IMPG1: variants seen among roughly 807,000 people sequenced by gnomAD.
IMPG1 encodes the protein interphotoreceptor matrix proteoglycan 1, also known as interphotoreceptor matrix proteoglycan of 150 kDa.
IMPG1 carries 85 observed loss-of-function variants against 92.0 expected under a neutral mutation model. The observed-to-expected ratio is 0.92, with a 90% confidence interval of 0.78 to 1.11. The LOEUF (loss-of-function observed/expected upper bound fraction) is 1.11, where lower values mean the gene tolerates loss of function less well. IMPG1 is among the 50% of genes least tolerant of loss of function. IMPG1 has a pLI of 0.00. For synonymous variants in IMPG1, 367 were observed against 334.1 expected (o/e 1.10, Z -1.08); for missense variants, 1,022 against 956.0 (o/e 1.07, Z -0.91).
intron 5 of IMPG1, chr6:76,024,872 G>T (rs780959229): frequency 2.4e-6 from 1 of 415,562 alleles, no homozygotes; most frequent in Non-Finnish European, 4.6e-6. Flanking sequence ...TGGAAAAAAT[G>T]ATACAAACTC....
intron 12 of IMPG1, among the ~76,000 whole-genome samples, chr6:75,981,126 C>T (rs959676876): frequency 6.6e-6 from 1 of 152,188 alleles, no homozygotes; most frequent in African/African-American, 2.4e-5. Flanking sequence ...CATTTTTCTT[C>T]TGCCCTCAAG....
rs1279276722 is a variant in IMPG1 at position 75,974,355 on chromosome 6, C to CTT, written c.1292-23263_1292-23262dup. On this transcript the variant is annotated intron_variant, in intron 12 of 16. Transcript: ENST00000369950. ...CCTTTCTTTCTTTCTTTCTTTCTTT[C>CTT]TTTCTTTCTTTCTTTCTTTCTTTCT... 5.0e-4 allele frequency among the ~76,000 whole-genome samples: 55 copies of CTT among 110,176 alleles called. 2 individuals carry two copies. The East Asian group carries it at 0.014, about 29-fold the overall frequency. The allele number at this position is 110,176 out of a possible 152,430, so 72.3% of individuals were successfully genotyped here. A position where few individuals can be genotyped will look rare whatever the true frequency, so the allele number is the denominator to read the frequency against.
chr6:76,040,886 A>G (rs1783824372), intron 2 of IMPG1, among the ~76,000 whole-genome samples: 2 of 152,190 alleles, frequency 1.3e-5, no homozygotes, highest in South Asian at 4.1e-4. Context: ...TGAAATGGGT[A>G]CTCAGTTGTC....
intron 1 of IMPG1, among the ~76,000 whole-genome samples, chr6:76,060,737 C>T (rs879328213): frequency 6.6e-6 from 1 of 152,158 alleles, no homozygotes; most frequent in Non-Finnish European, 1.5e-5. Flanking sequence ...CTTGGTACCA[C>T]AAGTTCCTTC....
chr6:75,972,672 TTTTG>T (rs1276150985), intron 12 of IMPG1, among the ~76,000 whole-genome samples: 1 of 152,208 alleles, frequency 6.6e-6, no homozygotes, highest in Non-Finnish European at 1.5e-5. Flanking sequence ...GTCTGATACA[TTTTG>T]TTTTTTACAC....
intron 12 of IMPG1, among the ~76,000 whole-genome samples, chr6:75,969,041 A>G (rs2149464651): frequency 6.6e-6 from 1 of 152,316 alleles, no homozygotes; most frequent in East Asian, 1.9e-4. Flanking sequence ...TGTTCAGTGA[A>G]TAAGCCAGGC....
chr6:76,007,044 C>G (rs750453566), intron 9 of IMPG1, among the ~76,000 whole-genome samples: 4 of 152,134 alleles, frequency 2.6e-5, no homozygotes, highest in Non-Finnish European at 5.9e-5. Flanking sequence ...ATAGTGGGCC[C>G]TTTTCTCAGT....
At chr6:76,012,902 C>T (rs1562369492) in intron 7 of IMPG1, among the ~76,000 whole-genome samples, 1 of 152,158 alleles carries the variant, frequency 6.6e-6, no homozygotes, top group Non-Finnish European at 1.5e-5. Flanking sequence ...GACTGTCTTC[C>T]ATTCTAGAAA....
chr6:76,012,613 G>A (rs1465611949), intron 7 of IMPG1, among the ~76,000 whole-genome samples: 1 of 152,224 alleles, frequency 6.6e-6, no homozygotes, highest in Non-Finnish European at 1.5e-5. Context: ...GTTGAGTAGT[G>A]AAGCTTGGGA....
At chr6:75,955,351 A>C (rs1782099523) in intron 12 of IMPG1, among the ~76,000 whole-genome samples, 1 of 152,090 alleles carries the variant, frequency 6.6e-6, no homozygotes, top group African/African-American at 2.4e-5. Flanking sequence ...TTGTATTCCT[A>C]GGTATTTTAT....
chr6:76,051,382 C>T (rs1005563884), intron 1 of IMPG1, among the ~76,000 whole-genome samples: 1 of 152,298 alleles, frequency 6.6e-6, no homozygotes, highest in Middle Eastern at 3.4e-3. Flanking sequence ...CAGAAGACTG[C>T]ATGGATTTTA....
chr6:75,931,393 A>C (rs12528500), intron 14 of IMPG1, among the ~76,000 whole-genome samples: 16,323 of 152,184 alleles, frequency 0.11, 1,038 homozygotes, highest in Middle Eastern at 0.17. Context: ...AGTGTGCATC[A>C]GAATCGTCTG....
chr6:76,009,702 T>TA lies in IMPG1; in HGVS notation c.866+1463dup, dbSNP rs569637002. Among the ~76,000 whole-genome samples the TA allele has an allele frequency of 2.7e-3, 412 of 152,360 alleles. 1 individual carries two copies. Among genetic ancestry groups the TA allele is most frequent in the African/African-American group, 9.5e-3 (396 of 41,594 alleles). On this transcript the variant is annotated intron_variant, in intron 8 of 16. Transcript: ENST00000369950. ...AATCCTTACAAAGATAAGCACTTGG[T>TA]AAAAATTCAGTGTCAAGAGATATAT...
At chr6:75,937,558 C>T (rs985773812) in intron 14 of IMPG1, among the ~76,000 whole-genome samples, 1 of 152,172 alleles carries the variant, frequency 6.6e-6, no homozygotes, top group Non-Finnish European at 1.5e-5. Flanking sequence ...CTCTGAAACA[C>T]AATTTCTGCA....
chr6:75,950,912 G>A lies in IMPG1; in HGVS notation c.1474C>T (p.Leu492=). 1 of 1,613,994 alleles carries A rather than the reference G, an allele frequency of 6.2e-7. No individual in the cohort carries two copies. The highest frequency in any genetic ancestry group is 2.2e-5 in the East Asian group (1 of 44,880). The change falls in exon 13 of 17, where the codon CTG becomes TTG. Residue 492 remains leucine, a synonymous_variant. Transcript: ENST00000369950. The part of the protein sequence containing the change: ...PTSDYSAISQ[L]ALGISHPPAS... Reference sequence around the variant, plus strand: ...GGTGGATGTGAAATTCCCAGAGCCAGTTGGCTGATTGCAGAATAATCACTG... The same window carrying A: ...GGTGGATGTGAAATTCCCAGAGCCAATTGGCTGATTGCAGAATAATCACTG...
chr6:76,053,361 G>A (rs547644195), intron 1 of IMPG1, among the ~76,000 whole-genome samples: 5 of 152,252 alleles, frequency 3.3e-5, no homozygotes, highest in South Asian at 2.1e-4. Flanking sequence ...TGCATGAGCC[G>A]GAGGAAGATT....
At chr6:76,001,202 C>G (rs970410180) in intron 12 of IMPG1, among the ~76,000 whole-genome samples, 1 of 152,146 alleles carries the variant, frequency 6.6e-6, no homozygotes, top group Admixed American at 6.5e-5. Context: ...CATAGATATA[C>G]TATTATTTTT....
At chr6:75,973,460 T>C (rs939248529) in intron 12 of IMPG1, among the ~76,000 whole-genome samples, 4 of 152,244 alleles carry the variant, frequency 2.6e-5, no homozygotes, top group Admixed American at 2.0e-4. Context: ...TCAGGAATTT[T>C]ACTAGATGAT....
chr6:75,957,874 G>T (rs1163730084), intron 12 of IMPG1, among the ~76,000 whole-genome samples: 1 of 152,144 alleles, frequency 6.6e-6, no homozygotes, highest in Non-Finnish European at 1.5e-5. Flanking sequence ...GTCAGTCTGT[G>T]TCTTTTAATT....
Sources: gnomAD v4.1 joint callset for allele counts (sites outside exome capture counted in the v4.1 genomes callset) on GRCh38, gnomAD v4.1.1 for gene constraint, MANE v1.5 for transcripts, NCBI Gene and HGNC (gene_info 2026-07-23, HGNC 2026-07-21) for gene names.